Variants in CACNA1I observed in about 807,000 individuals in gnomAD.
CACNA1I encodes the protein voltage-dependent T-type calcium channel subunit alpha-1I.
CACNA1I carries 74 observed loss-of-function variants against 201.6 expected under a neutral mutation model. The observed-to-expected ratio is 0.37, with a 90% CI of 0.30 to 0.45. The LOEUF is 0.45. CACNA1I is among the 20% of genes least tolerant of loss of function. The pLI is 1.00. For missense variants in CACNA1I, 2,346 were observed against 3,138.1 expected, an observed-to-expected ratio of 0.75 and a Z score of 6.03; for synonymous variants, 1,431 against 1,345.2, an observed-to-expected ratio of 1.06 and a Z score of -1.40.
chr22:39,648,861 G>C lies in CACNA1I; in HGVS notation c.1568-640G>C, dbSNP rs997801688. On this transcript the variant is annotated intron_variant, in intron 9 of 36. Coordinates refer to ENST00000402142, the MANE Select transcript of CACNA1I (RefSeq NM_021096.4). The surrounding 1 kb of genome is among the most constrained non-coding windows in gnomAD (Gnocchi z 5.4). Reference sequence around the variant, plus strand: ...TCTCCTGTGATTCCGGGGCAGCAAAGGGATGAAGTTCCCTCTTCCCAGGGG... The same window carrying C: ...TCTCCTGTGATTCCGGGGCAGCAAACGGATGAAGTTCCCTCTTCCCAGGGG... 1.3e-5 allele frequency among the ~76,000 whole-genome samples: 2 copies of C among 152,050 alleles called. No individual in the cohort carries two copies. The highest frequency in any genetic ancestry group is 4.8e-5 in the African/African-American group (2 of 41,392).
In CACNA1I at chr22:39,687,883, A is replaced by C. The variant is rs1452092827; in HGVS notation, c.*1478A>C. ...CAGTTTGAAGAAGGAGGTTGGGAGC[A>C]TGTTGGTGGCAGTGATCTGGAGAGG... On this transcript the variant is annotated 3_prime_UTR_variant, in exon 37 of 37. Transcript: ENST00000402142. 2 of 152,262 alleles carry C rather than the reference A, an allele frequency of 1.3e-5. No individual in the cohort carries two copies. The highest frequency in any genetic ancestry group is 3.8e-4 in the East Asian group (2 of 5,202). 9.4% of individuals were successfully genotyped at this position (152,262 alleles called of 1,614,324 possible).
intron 10 of CACNA1I, chr22:39,656,696 G>A (rs1934834603): frequency 1.9e-6 from 1 of 518,888 alleles, no homozygotes; most frequent in East Asian, 5.4e-5. Context: ...CCCATGTGGT[G>A]TAACGGGAGA....
chr22:39,658,268 C>G lies in CACNA1I; in HGVS notation c.2109C>G (p.Pro703=). The part of the protein sequence containing the change: ...AFGLFDYLRN[P]YNIFDSIIVI... The stretch of plus-strand genomic sequence containing the variant: ...GGCTCTTCGACTACCTGCGTAACCC[C>G]TACAACATCTTCGACAGCATCATTG... The change falls in exon 11 of 37, where the codon CCC becomes CCG. Residue 703 remains proline, a synonymous_variant. Coordinates refer to ENST00000402142, the MANE Select transcript of CACNA1I (RefSeq NM_021096.4). 6 of 1,613,972 alleles carry G rather than the reference C, an allele frequency of 3.7e-6. No homozygotes were observed. The highest frequency in any genetic ancestry group is 5.1e-6 in the Non-Finnish European group (6 of 1,179,864).
At chr22:39,594,889 G>A (rs1175720192) in intron 1 of CACNA1I, among the ~76,000 whole-genome samples, 1 of 152,140 alleles carries the variant, frequency 6.6e-6, no homozygotes, top group Non-Finnish European at 1.5e-5. Flanking sequence ...GCCACAAATA[G>A]CACTGAACCC....
intron 4 of CACNA1I, among the ~76,000 whole-genome samples, chr22:39,631,062 G>A (rs976848332): frequency 6.6e-6 from 1 of 152,220 alleles, no homozygotes; most frequent in Admixed American, 6.5e-5. Context: ...CTTTCCCATG[G>A]GGCGTATGGG....
At chr22:39,675,762 G>A (rs999670081) in intron 29 of CACNA1I, among the ~76,000 whole-genome samples, 1 of 152,158 alleles carries the variant, frequency 6.6e-6, no homozygotes, top group African/African-American at 2.4e-5. Context: ...TTTGAGGGGT[G>A]GGGAGGAGGC....
At position 39,658,084 on chromosome 22, in the gene CACNA1I, T is replaced by A. The variant is rs534452150; in HGVS notation, c.1993-68T>A. 1.4e-3 allele frequency: 2,088 copies of A among 1,544,214 alleles called. 2 individuals carry two copies. The highest frequency in any genetic ancestry group is 1.7e-3 in the Non-Finnish European group (1,941 of 1,125,882). On this transcript the variant is annotated intron_variant, in intron 10 of 36. Coordinates refer to ENST00000402142, the MANE Select transcript of CACNA1I (RefSeq NM_021096.4). The stretch of plus-strand genomic sequence containing the variant: ...CAGGGTCACACAGCCAGGGTGGGTG[T>A]CCAGAGGGGATCCACAGCTGCCCTC...
chr22:39,682,360 A>G (rs897361922), intron 34 of CACNA1I, 136 bp from the exon 35 acceptor site: 2 of 670,970 alleles, frequency 3.0e-6, no homozygotes, highest in Non-Finnish European at 2.5e-6. Context: ...GGTCAGGTAG[A>G]GGAGGTGAGA....
At chr22:39,670,012 C>T (rs1289126406) in intron 24 of CACNA1I, 26 bp from the exon 25 acceptor site, 2 of 1,611,884 alleles carry the variant, frequency 1.2e-6, no homozygotes, top group South Asian at 1.1e-5. Flanking sequence ...AATCAGCCTC[C>T]TCAGCCCTTT....
At chr22:39,597,559 C>G (rs548224014) in intron 1 of CACNA1I, among the ~76,000 whole-genome samples, 1 of 152,364 alleles carries the variant, frequency 6.6e-6, no homozygotes, top group African/African-American at 2.4e-5. Flanking sequence ...GGGCCCAGCC[C>G]CACCCCATGT....
chr22:39,584,233 C>T (rs1041421123), intron 1 of CACNA1I, among the ~76,000 whole-genome samples: 1 of 151,994 alleles, frequency 6.6e-6, no homozygotes, highest in Admixed American at 6.6e-5. Context: ...GTGAAATGGA[C>T]AGATCTCCGA....
chr22:39,595,512 C>G (rs1169581620), intron 1 of CACNA1I, among the ~76,000 whole-genome samples: 2 of 151,786 alleles, frequency 1.3e-5, no homozygotes, highest in East Asian at 1.9e-4. Flanking sequence ...GTAATCCCAG[C>G]TACTTGGGAG....
At chr22:39,650,186 C>T (rs1314232611) in intron 10 of CACNA1I, among the ~76,000 whole-genome samples, 1 of 152,038 alleles carries the variant, frequency 6.6e-6, no homozygotes, top group African/African-American at 2.4e-5. Flanking sequence ...CTCTCCGGGG[C>T]TCTTTTCCTC....
At chr22:39,609,742 G>T (rs1933330124) in intron 3 of CACNA1I, among the ~76,000 whole-genome samples, 3 of 152,192 alleles carry the variant, frequency 2.0e-5, no homozygotes, top group Admixed American at 2.0e-4. Context: ...TGTTCCTTGG[G>T]TTCAGGCAAG....
chr22:39,626,463 A>T (rs1260961419), intron 4 of CACNA1I, among the ~76,000 whole-genome samples: 1 of 152,110 alleles, frequency 6.6e-6, no homozygotes, highest in African/African-American at 2.4e-5. Context: ...TGGCAGATAG[A>T]TTGGCATGTG....
At chr22:39,663,877 AG>A in intron 19 of CACNA1I, 36 bp downstream of exon 19, 1 of 1,611,444 alleles carries the variant, frequency 6.2e-7, no homozygotes, top group Non-Finnish European at 8.5e-7. Flanking sequence ...GGCAGGCGCC[AG>A]GCCAAGGGAC....
chr22:39,647,926 G>A lies in CACNA1I; in HGVS notation c.1567G>A (p.Glu523Lys). 5 of 1,612,892 alleles carry A rather than the reference G, an allele frequency of 3.1e-6. No individual in the cohort carries two copies. Among genetic ancestry groups the A allele is most frequent in the Non-Finnish European group, 4.2e-6 (5 of 1,179,596 alleles). ...ASPGNDHSGRELCPQHSPLDA... is the reference protein window; with the variant it reads ...ASPGNDHSGRKLCPQHSPLDA... Reference sequence around the variant, plus strand: ...CCCTGGAAATGATCACTCGGGAAGAGGCAAGCCAGGGCCACGGGAGGTGGG... The same window carrying A: ...CCCTGGAAATGATCACTCGGGAAGAAGCAAGCCAGGGCCACGGGAGGTGGG... Residue 523 changes from glutamate to lysine, a missense_variant and splice_region_variant, in exon 9 of 37, where the codon GAG becomes AAG. Physicochemically the swap from Glu to Lys is moderately conservative, Grantham distance 56. This residue lies in a region of CACNA1I where 312 missense variants were observed against 331.5 expected (regional missense o/e 0.94). Transcript: ENST00000402142.
At chr22:39,682,755 C>T (rs375639237) in intron 35 of CACNA1I, 94 bp downstream of exon 35, 10 of 1,076,994 alleles carry the variant, frequency 9.3e-6, no homozygotes, top group East Asian at 2.6e-5. Flanking sequence ...AGTATTTTTA[C>T]CCAGATTATT....
chr22:39,670,186 G>A lies in CACNA1I; in HGVS notation c.4343G>A (p.Arg1448Gln), dbSNP rs201480163. 5.9e-5 allele frequency: 95 copies of A among 1,613,812 alleles called. No homozygotes were observed. The highest frequency in any genetic ancestry group is 1.1e-4 in the South Asian group (10 of 91,086). Reference sequence around the variant, plus strand: ...CACCAGGAGGCTGAAGAGGCACGGCGGCGTGAGGAGAAGCGGCTGCGGCGC... The same window carrying A: ...CACCAGGAGGCTGAAGAGGCACGGCAGCGTGAGGAGAAGCGGCTGCGGCGC... ...RQHQEAEEAR[R>Q]REEKRLRRLE... The change falls in exon 25 of 37, where the codon CGG becomes CAG. Residue 1448 changes from arginine to glutamine, a missense_variant. Arg to Gln is a conservative substitution (Grantham distance 43). Transcript: ENST00000402142.
Sources: allele counts gnomAD v4.1 joint callset (sites outside exome capture counted in the v4.1 genomes callset), GRCh38; gene constraint gnomAD v4.1.1; regional missense constraint gnomAD v4.1.1; non-coding constraint Gnocchi (gnomAD v3.1); transcripts MANE v1.5; gene names NCBI Gene and HGNC (gene_info 2026-07-23, HGNC 2026-07-21).